The following COL14A1 variants were observed in gnomAD, a reference collection of about 807,000 sequenced individuals.
COL14A1 encodes the protein collagen alpha-1(XIV) chain.
A neutral mutation model predicts 230.3 loss-of-function variants in COL14A1; 136 were observed. The ratio of observed to expected loss-of-function variants is 0.59; its 90% confidence interval spans 0.51 to 0.68. COL14A1 has a LOEUF of 0.68. Among genes scored for constraint, COL14A1 ranks in the 30% least tolerant of loss-of-function variants. COL14A1 has a pLI of 0.00. For missense variants in COL14A1, 1,976 were observed against 2,215.8 expected (o/e 0.89, Z 2.17); for synonymous variants, 792 against 784.1 (o/e 1.01, Z -0.17).
At chr8:120,347,695 A>G (rs984469349) in intron 45 of COL14A1, among the ~76,000 whole-genome samples, 15 of 152,364 alleles carry the variant, frequency 9.8e-5, no homozygotes, top group Middle Eastern at 3.4e-3. Flanking sequence ...AAAAGGAAGC[A>G]TATGAAGATA....
chr8:120,342,769 T>G (rs1822352778), intron 44 of COL14A1, among the ~76,000 whole-genome samples: 1 of 152,226 alleles, frequency 6.6e-6, no homozygotes, highest in Admixed American at 6.5e-5. Flanking sequence ...GGATTTTTTC[T>G]CAAGTGTTCA....
chr8:120,209,724 T>A, intron 11 of COL14A1, 32 bp from the exon 12 acceptor site: 1 of 1,589,714 alleles, frequency 6.3e-7, no homozygotes, highest in Non-Finnish European at 8.5e-7. Context: ...CATATATAAG[T>A]GGCTCAACAT....
At chr8:120,166,875 A>AGTGTGTGTGTGT (rs4053270) in intron 4 of COL14A1, among the ~76,000 whole-genome samples, 1,338 of 116,990 alleles carry the variant, frequency 0.011, 23 homozygotes, top group Non-Finnish European at 0.013. Context: ...AAAGAATTTA[A>AGTGTGTGTGTGT]GTGTGTGTGT....
Position 120,129,865 on chromosome 8 carries a change from T to C in COL14A1, c.-38+4525T>C, listed in dbSNP as rs574462244. ...ATTAACTATTAAATCAATCAATATTTACTGATTGCCTATGTGTGTTGAACT... is the reference window on the plus strand; with the variant it reads ...ATTAACTATTAAATCAATCAATATTCACTGATTGCCTATGTGTGTTGAACT... On this transcript the variant is annotated intron_variant, in intron 1 of 47. Transcript: ENST00000297848. 4.0e-4 allele frequency among the ~76,000 whole-genome samples: 61 copies of C among 152,346 alleles called. 2 individuals carry two copies. In the South Asian group the frequency reaches 8.7e-3, roughly 22 times the overall value.
At chr8:120,203,438 C>A (rs1563669565) in intron 8 of COL14A1, among the ~76,000 whole-genome samples, 1 of 151,848 alleles carries the variant, frequency 6.6e-6, no homozygotes, top group Non-Finnish European at 1.5e-5. Context: ...TCGCTCTTCC[C>A]TTTTTTTGCT....
intron 1 of COL14A1, among the ~76,000 whole-genome samples, chr8:120,143,392 G>A (rs562138391): frequency 6.6e-6 from 1 of 152,168 alleles, no homozygotes; most frequent in African/African-American, 2.4e-5. Flanking sequence ...GCCGAGGTGG[G>A]CGGATCACAA....
rs7813903 is a variant in COL14A1, at chr8:120,250,886, A to C, written c.2752+120A>C. ...GCGCTGGTGCGATCTGGACTCACTG[A>C]AACATCCGCCTCCAGGGTTCAAGTG... On this transcript the variant is annotated intron_variant, in intron 22 of 47. Transcript: ENST00000297848. 0.52 allele frequency: 583,248 copies of C among 1,117,140 alleles called. 158,040 individuals carry two copies. The highest frequency in any genetic ancestry group is 0.78 in the East Asian group (30,299 of 38,708). The allele number at this position is 1,117,140 out of a possible 1,614,324, so 69.2% of individuals were successfully genotyped here. A position where few individuals can be genotyped will look rare whatever the true frequency, so the allele number is the denominator to read the frequency against.
At chr8:120,265,298 A>T (rs1195725776) in intron 24 of COL14A1, among the ~76,000 whole-genome samples, 1 of 152,152 alleles carries the variant, frequency 6.6e-6, no homozygotes, top group Non-Finnish European at 1.5e-5. Flanking sequence ...ATGTTAAAGA[A>T]GATGCACAAT....
At chr8:120,338,362 G>A (rs967974862) in intron 42 of COL14A1, among the ~76,000 whole-genome samples, 1 of 152,162 alleles carries the variant, frequency 6.6e-6, no homozygotes, top group Non-Finnish European at 1.5e-5. Flanking sequence ...CAACAGAGTG[G>A]TAGAGTGTAC....
At chr8:120,170,863 C>G (rs1247027753) in intron 5 of COL14A1, among the ~76,000 whole-genome samples, 1 of 151,740 alleles carries the variant, frequency 6.6e-6, no homozygotes, top group Non-Finnish European at 1.5e-5. Flanking sequence ...ATTCTCTATT[C>G]TTTAACTTTC....
At chr8:120,214,106 T>C (rs1817684914) in intron 13 of COL14A1, 1 of 227,992 alleles carries the variant, frequency 4.4e-6, no homozygotes, top group Non-Finnish European at 8.8e-6. Flanking sequence ...TTGCTGGCTC[T>C]ATCAGCACTG....
At chr8:120,192,603 A>T (rs1187152897) in intron 5 of COL14A1, among the ~76,000 whole-genome samples, 1 of 152,060 alleles carries the variant, frequency 6.6e-6, no homozygotes, top group Non-Finnish European at 1.5e-5. Flanking sequence ...GCCTTGCTAG[A>T]TTGGTGAAGT....
In COL14A1 at chr8:120,354,392, TAAA is replaced by T. The variant is rs11326177; in HGVS notation, c.5077+8844_5077+8846del. 6.8e-4 allele frequency among the ~76,000 whole-genome samples: 89 copies of T among 131,514 alleles called. 4 individuals carry two copies. Among genetic ancestry groups the T allele is most frequent in the African/African-American group, 2.3e-3 (82 of 35,526 alleles). 86.3% of individuals were successfully genotyped at this position (131,514 alleles called of 152,430 possible). On this transcript the variant is annotated intron_variant, in intron 45 of 47. Coordinates refer to ENST00000297848, the MANE Select transcript of COL14A1 (RefSeq NM_021110.4). ...TGTACCCTAAAACTTAAAGTATAATTAAAAAAAAAAAAAAAAAGAAAAACACTA... is the reference window on the plus strand; with the variant it reads ...TGTACCCTAAAACTTAAAGTATAATTAAAAAAAAAAAAAAGAAAAACACTA...
intron 37 of COL14A1, among the ~76,000 whole-genome samples, chr8:120,310,534 G>A (rs888283327): frequency 6.6e-6 from 1 of 152,112 alleles, no homozygotes; most frequent in Non-Finnish European, 1.5e-5. Context: ...AAATGTGGTG[G>A]TTCAGGTTGT....
rs529636482 is a variant in COL14A1, at chr8:120,213,937, C to T, written c.1597+1360C>T. The T allele has an allele frequency of 3.9e-4, 168 of 427,762 alleles. 1 individual carries two copies. The highest frequency in any genetic ancestry group is 1.3e-3 in the Middle Eastern group (4 of 2,970). The allele number at this position is 427,762 out of a possible 1,614,324, so 26.5% of individuals were successfully genotyped here. A position where few individuals can be genotyped will look rare whatever the true frequency, so the allele number is the denominator to read the frequency against. Reference sequence around the variant, plus strand: ...TCTTTTCTACACTTTCTCTCTAGCACCTTAATTATTAAGAGATTCACTAAC... The same window carrying T: ...TCTTTTCTACACTTTCTCTCTAGCATCTTAATTATTAAGAGATTCACTAAC... On this transcript the variant is annotated intron_variant, in intron 13 of 47. Coordinates refer to ENST00000297848, the MANE Select transcript of COL14A1 (RefSeq NM_021110.4).
intron 5 of COL14A1, among the ~76,000 whole-genome samples, chr8:120,191,274 C>T (rs1174759161): frequency 6.7e-6 from 1 of 150,338 alleles, no homozygotes; most frequent in Non-Finnish European, 1.5e-5. Context: ...CAAAGAACAT[C>T]TTTATTTCTG....
chr8:120,215,712 T>C (rs1161881203), intron 13 of COL14A1, among the ~76,000 whole-genome samples: 2 of 152,022 alleles, frequency 1.3e-5, no homozygotes, highest in Non-Finnish European at 2.9e-5. Flanking sequence ...AGGGGTCAGA[T>C]CTGGATAATG....
intron 27 of COL14A1, 55 bp downstream of exon 27, chr8:120,278,289 C>T (rs1391835531): frequency 3.3e-6 from 5 of 1,535,266 alleles, no homozygotes; most frequent in African/African-American, 2.8e-5. Flanking sequence ...TTTGTAACTA[C>T]TGAAATGACC....
intron 42 of COL14A1, among the ~76,000 whole-genome samples, chr8:120,334,690 C>T (rs959892694): frequency 2.0e-5 from 3 of 151,588 alleles, no homozygotes; most frequent in African/African-American, 7.3e-5. Context: ...AGAAAAGAAA[C>T]TTAAAAACAT....
Sources: allele counts gnomAD v4.1 joint callset (sites outside exome capture counted in the v4.1 genomes callset), GRCh38; gene constraint gnomAD v4.1.1; transcripts MANE v1.5; gene names NCBI Gene and HGNC (gene_info 2026-07-23, HGNC 2026-07-21).